GATAD2B: variants seen among roughly 807,000 people sequenced by gnomAD.
GATAD2B encodes the protein GATA zinc finger domain containing 2B, also known as transcriptional repressor p66-beta.
GATAD2B carries 8 observed loss-of-function variants against 64.3 expected under a neutral mutation model. That is an observed-to-expected ratio of 0.12 (90% confidence interval 0.07 to 0.22). The LOEUF (loss-of-function observed/expected upper bound fraction) is 0.22. Among genes scored for constraint, GATAD2B ranks in the 10% least tolerant of loss-of-function variants. The pLI is 1.00. For synonymous variants in GATAD2B, 281 were observed against 271.3 expected, an observed-to-expected ratio of 1.04 and a Z score of -0.35; for missense variants, 453 against 752.0, an observed-to-expected ratio of 0.60 and a Z score of 4.65.
At chr1:153,826,203 C>T (rs1006486238) in intron 2 of GATAD2B, among the ~76,000 whole-genome samples, 4 of 151,990 alleles carry the variant, frequency 2.6e-5, no homozygotes, top group Non-Finnish European at 4.4e-5. Flanking sequence ...CGGGGTTTCA[C>T]GGTGTTAGCC....
intron 1 of GATAD2B, among the ~76,000 whole-genome samples, chr1:153,919,000 A>C (rs1005048639): frequency 1.3e-5 from 2 of 152,132 alleles, no homozygotes; most frequent in Non-Finnish European, 2.9e-5. Flanking sequence ...CAGGTGTGAA[A>C]AACAGTAAGA....
intron 1 of GATAD2B, among the ~76,000 whole-genome samples, chr1:153,865,040 A>G (rs1676429718): frequency 6.6e-6 from 1 of 152,210 alleles, no homozygotes; most frequent in Admixed American, 6.5e-5. Context: ...ACTGCACTCC[A>G]GCCTGGGTGA....
chr1:153,857,158 A>AT (rs200209455), intron 1 of GATAD2B, among the ~76,000 whole-genome samples: 1 of 150,112 alleles, frequency 6.7e-6, no homozygotes, highest in Non-Finnish European at 1.5e-5. Flanking sequence ...ATATATATAT[A>AT]AATTGGCCGG....
At chr1:153,847,989 T>C (rs1557801339) in intron 1 of GATAD2B, among the ~76,000 whole-genome samples, 1 of 152,222 alleles carries the variant, frequency 6.6e-6, no homozygotes, top group Non-Finnish European at 1.5e-5. Context: ...ACTGATACCA[T>C]GGTCCAATTC....
Position 153,809,994 on chromosome 1 carries a change from G to T in GATAD2B, c.*183C>A. ...CAGATCGCAGCAGTGTGAAATAAAG[G>T]GGAGGTGGCAGGGCAGGGCGTGTGT... On this transcript the variant is annotated 3_prime_UTR_variant, in exon 11 of 11. Coordinates refer to ENST00000368655, the MANE Select transcript of GATAD2B (RefSeq NM_020699.4). 1 of 580,246 alleles carries T rather than the reference G, an allele frequency of 1.7e-6. No homozygotes were observed. The allele number at this position is 580,246 out of a possible 1,614,324, so 35.9% of individuals were successfully genotyped here. A position where few individuals can be genotyped will look rare whatever the true frequency, so the allele number is the denominator to read the frequency against.
intron 1 of GATAD2B, among the ~76,000 whole-genome samples, chr1:153,874,121 G>A (rs1473059767): frequency 6.6e-6 from 1 of 151,958 alleles, no homozygotes; most frequent in East Asian, 1.9e-4. Flanking sequence ...AATTAGCTGG[G>A]TGTGGTGGCG....
At chr1:153,826,904 G>A (rs1052001650) in intron 2 of GATAD2B, among the ~76,000 whole-genome samples, 35 of 150,090 alleles carry the variant, frequency 2.3e-4, no homozygotes, top group African/African-American at 8.4e-4. Context: ...TCATGCTACT[G>A]CACTCAAGAC....
chr1:153,907,134 A>G (rs1035439735), intron 1 of GATAD2B, among the ~76,000 whole-genome samples: 2 of 152,208 alleles, frequency 1.3e-5, no homozygotes, highest in Admixed American at 1.3e-4. Context: ...TGATCTAACA[A>G]TTTCAATTCT....
chr1:153,897,026 T>C (rs1677616273), intron 1 of GATAD2B, among the ~76,000 whole-genome samples: 1 of 148,532 alleles, frequency 6.7e-6, no homozygotes, highest in South Asian at 2.2e-4. Context: ...AAATAGCTCT[T>C]AGAACACTTT....
chr1:153,873,128 T>C (rs1209962824), intron 1 of GATAD2B, among the ~76,000 whole-genome samples: 1 of 152,198 alleles, frequency 6.6e-6, no homozygotes, highest in Admixed American at 6.6e-5. Flanking sequence ...AGGCAAATGA[T>C]GACTTAGTAT....
intron 2 of GATAD2B, among the ~76,000 whole-genome samples, chr1:153,822,769 T>C (rs1021031883): frequency 2.0e-5 from 3 of 152,178 alleles, no homozygotes; most frequent in Non-Finnish European, 4.4e-5. Flanking sequence ...AGAGCTGGGA[T>C]TACAGGCATG....
At position 153,922,929 on chromosome 1, in the gene GATAD2B, G is replaced by C. The variant is rs927138413; in HGVS notation, c.-198C>G. 1 of 156,222 alleles carries C rather than the reference G, an allele frequency of 6.4e-6. No homozygotes were observed. Among genetic ancestry groups the C allele is most frequent in the African/African-American group, 2.4e-5 (1 of 41,452 alleles). The allele number at this position is 156,222 out of a possible 1,614,324, so 9.7% of individuals were successfully genotyped here. On this transcript the variant is annotated 5_prime_UTR_variant, in exon 1 of 11. Coordinates refer to ENST00000368655, the MANE Select transcript of GATAD2B (RefSeq NM_020699.4). The stretch of plus-strand genomic sequence containing the variant: ...CGGTACAGACGGGGGCAGCGGCGGC[G>C]GCGACGGCTGCACCGGCGGCGGCGG...
chr1:153,832,230 T>C (rs1448951095), intron 1 of GATAD2B, among the ~76,000 whole-genome samples: 1 of 151,296 alleles, frequency 6.6e-6, no homozygotes, highest in Admixed American at 6.6e-5. Context: ...AAAAAAAAGT[T>C]AGCCAAGTTG....
At chr1:153,888,412 T>C (rs1677249506) in intron 1 of GATAD2B, among the ~76,000 whole-genome samples, 1 of 152,196 alleles carries the variant, frequency 6.6e-6, no homozygotes, top group Non-Finnish European at 1.5e-5. Context: ...AATCCCTAAC[T>C]TATTCTCATC....
chr1:153,813,597 C>G, intron 7 of GATAD2B, 145 bp from the exon 8 acceptor site: 1 of 638,180 alleles, frequency 1.6e-6, no homozygotes, highest in Admixed American at 2.9e-5. Context: ...TTACAAAATA[C>G]TTTTATTTCA....
At chr1:153,817,926 G>C in intron 5 of GATAD2B, 114 bp downstream of exon 5, 1 of 875,044 alleles carries the variant, frequency 1.1e-6, no homozygotes, top group Non-Finnish European at 1.7e-6. Context: ...ACAATCAGTA[G>C]TAATAACACC....
intron 1 of GATAD2B, among the ~76,000 whole-genome samples, chr1:153,843,561 C>T (rs1570950931): frequency 6.6e-6 from 1 of 152,162 alleles, no homozygotes; most frequent in Non-Finnish European, 1.5e-5. Context: ...AGGTATGAGG[C>T]ACCATGCCCA....
chr1:153,822,687 C>T (rs899788087), intron 2 of GATAD2B, among the ~76,000 whole-genome samples: 5 of 152,014 alleles, frequency 3.3e-5, no homozygotes, highest in African/African-American at 7.2e-5. Context: ...TATTTAGAGA[C>T]GGGGTTTCAC....
chr1:153,862,118 CTTTTTTTTT>C (rs754580519), intron 1 of GATAD2B, among the ~76,000 whole-genome samples: 2 of 101,182 alleles, frequency 2.0e-5, no homozygotes, highest in African/African-American at 3.6e-5. Context: ...ACATTATATC[CTTTTTTTTT>C]TTTTTTTTTT....
Sources: allele counts gnomAD v4.1 joint callset (sites outside exome capture counted in the v4.1 genomes callset), GRCh38; gene constraint gnomAD v4.1.1; transcripts MANE v1.5; gene names NCBI Gene and HGNC (gene_info 2026-07-23, HGNC 2026-07-21).